The following PDE1A variants were observed in gnomAD, a reference collection of about 807,000 sequenced individuals.
PDE1A encodes the protein dual specificity calcium/calmodulin-dependent 3',5'-cyclic nucleotide phosphodiesterase 1A.
Under a neutral mutation model 61.7 loss-of-function variants are expected in PDE1A, and 35 were observed. The ratio of observed to expected loss-of-function variants is 0.57; its 90% CI spans 0.43 to 0.75. PDE1A has a LOEUF of 0.75. Ranked by LOEUF, PDE1A falls within the 30% of genes least tolerant of loss-of-function variation. The probability of loss-of-function intolerance (pLI) is 0.00; values close to 1 mark genes in which losing one functional copy is unlikely to be tolerated. For missense variants in PDE1A, 597 were observed against 630.6 expected (o/e 0.95, Z 0.57); for synonymous variants, 232 against 213.2 (o/e 1.09, Z -0.77).
At chr2:182,672,030 A>G in the PDE1A span, among the ~76,000 whole-genome samples, 1 of 152,154 alleles carries the variant, frequency 6.6e-6, no homozygotes, top group Non-Finnish European at 1.5e-5. Context: ...CTAAATTGCT[A>G]GAACATTTAA....
At chr2:182,709,523 G>A in the PDE1A span, among the ~76,000 whole-genome samples, 1 of 152,144 alleles carries the variant, frequency 6.6e-6, no homozygotes, top group South Asian at 2.1e-4. Flanking sequence ...CCAATGAAAC[G>A]TAATTATAAT....
exon 6 of PDE1A, chr2:182,230,134 A>C: frequency 6.2e-7 from 1 of 1,611,304 alleles, no homozygotes; most frequent in Non-Finnish European, 8.5e-7. Context: ...GTGATTAGGC[A>C]AGAAACAGGA....
chr2:182,277,346 A>T (rs1403710511), intron 1 of PDE1A, among the ~76,000 whole-genome samples: 1 of 152,090 alleles, frequency 6.6e-6, no homozygotes, highest in African/African-American at 2.4e-5. Flanking sequence ...GCCAACACTT[A>T]GGGAAAATGG....
At chr2:182,268,739 T>G (rs1559276541) in intron 1 of PDE1A, among the ~76,000 whole-genome samples, 1 of 152,114 alleles carries the variant, frequency 6.6e-6, no homozygotes, top group Non-Finnish European at 1.5e-5. Flanking sequence ...TGTCTTAAAT[T>G]ATGTTTGGTT....
At chr2:182,194,545 A>G (rs1458803513) in intron 10 of PDE1A, among the ~76,000 whole-genome samples, 1 of 152,098 alleles carries the variant, frequency 6.6e-6, no homozygotes, top group Non-Finnish European at 1.5e-5. Flanking sequence ...TGGAAATGAG[A>G]ACTCGCTCTA....
the PDE1A span, among the ~76,000 whole-genome samples, chr2:182,671,997 A>G: frequency 5.9e-5 from 9 of 152,198 alleles, 1 homozygote; most frequent in Admixed American, 5.9e-4. Flanking sequence ...TCCTCCTCGA[A>G]TTCTGCCCGC....
the PDE1A span, among the ~76,000 whole-genome samples, chr2:182,635,748 G>A: frequency 6.6e-6 from 1 of 150,784 alleles, no homozygotes; most frequent in Admixed American, 6.6e-5. Context: ...CCTTCATATG[G>A]GAGGTGAGTT....
the PDE1A span, among the ~76,000 whole-genome samples, chr2:182,682,207 C>T: frequency 1.6e-4 from 24 of 152,094 alleles, no homozygotes; most frequent in Non-Finnish European, 2.6e-4. Context: ...AGTTGCTTGC[C>T]ACACAGAAGG....
At chr2:182,626,868 TATACATATATATATAC>T in the PDE1A span, among the ~76,000 whole-genome samples, 18 of 47,914 alleles carry the variant, frequency 3.8e-4, 2 homozygotes, top group Admixed American at 2.8e-3. Context: ...TACATATATA[TATACATATATATATAC>T]ACATATATAT....
downstream of PDE1A, among the ~76,000 whole-genome samples, chr2:182,143,356 A>G (rs1295812741): frequency 6.6e-6 from 1 of 152,172 alleles, no homozygotes; most frequent in African/African-American, 2.4e-5. Context: ...GAATTTAAAA[A>G]TAAATAAATA....
chr2:182,169,618 A>T (rs1304110546), intron 13 of PDE1A, among the ~76,000 whole-genome samples: 1 of 152,068 alleles, frequency 6.6e-6, no homozygotes, highest in Non-Finnish European at 1.5e-5. Flanking sequence ...AACTTCTAAT[A>T]TCCTGACTGT....
At chr2:182,185,862 A>G (rs1184189817) in intron 13 of PDE1A, 30 bp downstream of exon 13, 2 of 1,612,962 alleles carry the variant, frequency 1.2e-6, no homozygotes, top group Non-Finnish European at 1.7e-6. Flanking sequence ...ACAGAGAGAG[A>G]TGGCAGTAAG....
intron 13 of PDE1A, among the ~76,000 whole-genome samples, chr2:182,182,583 C>G (rs530523977): frequency 6.6e-6 from 1 of 152,198 alleles, no homozygotes; most frequent in Admixed American, 6.6e-5. Flanking sequence ...GATCAATCAA[C>G]ATTTTTTCTC....
intron 13 of PDE1A, among the ~76,000 whole-genome samples, chr2:182,158,550 C>A (rs550786830): frequency 5.9e-5 from 9 of 152,252 alleles, no homozygotes; most frequent in African/African-American, 1.9e-4. Context: ...ACACAGGAGC[C>A]TTCTGAATGA....
chr2:182,329,235 A>G (rs1697245558), intron 1 of PDE1A, among the ~76,000 whole-genome samples: 1 of 152,186 alleles, frequency 6.6e-6, no homozygotes, highest in African/African-American at 2.4e-5. Flanking sequence ...CACTCCAGCC[A>G]TAGTGGCATC....
chr2:182,494,985 G>T (rs1688623543), intron 2 of PDE1A, among the ~76,000 whole-genome samples: 1 of 151,992 alleles, frequency 6.6e-6, no homozygotes, highest in Non-Finnish European at 1.5e-5. Flanking sequence ...TCCTCTACCT[G>T]ACCATTAAGG....
At chr2:182,561,285 C>T in the PDE1A span, among the ~76,000 whole-genome samples, 3 of 152,236 alleles carry the variant, frequency 2.0e-5, no homozygotes, top group South Asian at 4.1e-4. Flanking sequence ...GGTAGCCAGT[C>T]TTCCCAGCAC....
At chr2:182,544,806 C>T in the PDE1A span, among the ~76,000 whole-genome samples, 8 of 152,070 alleles carry the variant, frequency 5.3e-5, no homozygotes, top group African/African-American at 1.4e-4. Flanking sequence ...ACTTGCCTTC[C>T]CCTTTTTTCC....
chr2:182,680,638 T>A, the PDE1A span, among the ~76,000 whole-genome samples: 1 of 152,210 alleles, frequency 6.6e-6, no homozygotes, highest in Non-Finnish European at 1.5e-5. Context: ...TAGGAAATGG[T>A]ACAAGGAGGA....
Sources: gnomAD v4.1 joint callset for allele counts (sites outside exome capture counted in the v4.1 genomes callset) on GRCh38, gnomAD v4.1.1 for gene constraint, MANE v1.5 for transcripts, NCBI Gene and HGNC (gene_info 2026-07-23, HGNC 2026-07-21) for gene names.